The following CCDC90B variants were observed in gnomAD, a reference collection of about 807,000 sequenced individuals.
The protein encoded by CCDC90B is coiled-coil domain containing 90B, also known as coiled-coil domain-containing protein 90B, mitochondrial.
Under a neutral mutation model 37.0 loss-of-function variants are expected in CCDC90B, and 24 were observed. The observed-to-expected ratio is 0.65, with a 90% CI of 0.47 to 0.91. The LOEUF is 0.91. CCDC90B is among the 40% of genes least tolerant of loss of function. The pLI is 0.00. For synonymous variants in CCDC90B, 113 were observed against 101.1 expected (o/e 1.12, Z -0.71); for missense variants, 319 against 299.0 (o/e 1.07, Z -0.49).
intron 7 of CCDC90B, among the ~76,000 whole-genome samples, chr11:83,270,658 C>T (rs150802561): frequency 0.01 from 1,535 of 152,256 alleles, 37 homozygotes; most frequent in African/African-American, 0.035. Flanking sequence ...AGGACACAAA[C>T]AAATGGAAGA....
intron 3 of CCDC90B, 26 bp from the exon 4 acceptor site, chr11:83,274,766 A>C: frequency 7.3e-7 from 1 of 1,373,696 alleles, no homozygotes; most frequent in Non-Finnish European, 1.0e-6. Context: ...AAAATAACCT[A>C]GTGATCTATA....
chr11:83,285,253 G>A lies in CCDC90B; in HGVS notation c.100+620C>T, dbSNP rs1010067521. Reference sequence around the variant, plus strand: ...AAAACTGGGGGTGAAAAACAACGACGACAACAAAAACCTAGCCCTAGAAAC... The same window carrying A: ...AAAACTGGGGGTGAAAAACAACGACAACAACAAAAACCTAGCCCTAGAAAC... On this transcript the variant is annotated intron_variant, in intron 1 of 8. Transcript: ENST00000529689. 12 of 1,281,840 alleles carry A rather than the reference G, an allele frequency of 9.4e-6. No individual in the cohort carries two copies. The African/African-American group carries it at 1.7e-4, about 18-fold the overall frequency. 79.4% of individuals were successfully genotyped at this position (1,281,840 alleles called of 1,614,324 possible).
At chr11:83,262,242 T>C (rs545831036) in intron 8 of CCDC90B, among the ~76,000 whole-genome samples, 41 of 152,224 alleles carry the variant, frequency 2.7e-4, no homozygotes, top group African/African-American at 9.4e-4. Flanking sequence ...GCTAGCATTA[T>C]TGACTACTTT....
chr11:83,276,408 C>T (rs914621480), intron 3 of CCDC90B, among the ~76,000 whole-genome samples: 4 of 152,142 alleles, frequency 2.6e-5, no homozygotes, highest in Non-Finnish European at 5.9e-5. Context: ...AATGCAGTGG[C>T]GCAATCTTGT....
At position 83,274,231 on chromosome 11, in the gene CCDC90B, A is replaced by G. The variant is rs141019873; in HGVS notation, c.427-239T>C. On this transcript the variant is annotated intron_variant, in intron 4 of 8. Coordinates refer to ENST00000529689, the MANE Select transcript of CCDC90B (RefSeq NM_021825.5). ...TTAAAAACTGATTTTCTAAATTTAAAAATAAGCTATAGTGGATAACATAAC... is the reference window on the plus strand; with the variant it reads ...TTAAAAACTGATTTTCTAAATTTAAGAATAAGCTATAGTGGATAACATAAC... 6.1e-3 allele frequency: 2,221 copies of G among 366,932 alleles called. 47 individuals carry two copies. Among genetic ancestry groups the G allele is most frequent in the African/African-American group, 0.042 (2,018 of 48,062 alleles). 22.7% of individuals were successfully genotyped at this position (366,932 alleles called of 1,614,324 possible).
chr11:83,274,598 G>A (rs1268641295), intron 4 of CCDC90B, 41 bp downstream of exon 4: 1 of 1,182,486 alleles, frequency 8.5e-7, no homozygotes, highest in African/African-American at 1.5e-5. Flanking sequence ...CTTATTATGA[G>A]ATCAGTTATT....
chr11:83,274,909 A>G (rs899185339), intron 3 of CCDC90B, 169 bp from the exon 4 acceptor site: 10 of 432,802 alleles, frequency 2.3e-5, no homozygotes, highest in Non-Finnish European at 3.7e-5. Flanking sequence ...ATGAAAAGAA[A>G]GAGATTCAAG....
intron 1 of CCDC90B, among the ~76,000 whole-genome samples, chr11:83,283,196 A>G (rs1433843365): frequency 6.6e-6 from 1 of 152,208 alleles, no homozygotes; most frequent in African/African-American, 2.4e-5. Flanking sequence ...TGCTGAATGA[A>G]AGGCACTGTG....
chr11:83,274,055 A>G, intron 4 of CCDC90B, 63 bp from the exon 5 acceptor site: 2 of 1,324,076 alleles, frequency 1.5e-6, no homozygotes, highest in East Asian at 2.5e-5. Flanking sequence ...GATTAAAAAA[A>G]TCTGAAACCC....
chr11:83,267,789 C>A (rs2135599143), intron 7 of CCDC90B, among the ~76,000 whole-genome samples: 1 of 152,210 alleles, frequency 6.6e-6, no homozygotes, highest in South Asian at 2.1e-4. Context: ...AGAAGAGCAA[C>A]CCCAAGACAC....
At chr11:83,271,031 C>G (rs919948414) in intron 7 of CCDC90B, among the ~76,000 whole-genome samples, 1 of 152,166 alleles carries the variant, frequency 6.6e-6, no homozygotes, top group Admixed American at 6.5e-5. Context: ...GGAAAGGAGT[C>G]CCTATTTAAT....
At position 83,285,941 on chromosome 11, in the gene CCDC90B, A is replaced by G. The variant is rs1865662818; in HGVS notation, c.32T>C (p.Leu11Pro). ...CCAACGATCTCCTCTGCCTTGGGAGAGAAAGAGCCGCCAAGCCTGGCGACT... is the reference window on the plus strand; with the variant it reads ...CCAACGATCTCCTCTGCCTTGGGAGGGAAAGAGCCGCCAAGCCTGGCGACT... MNSRQAWRLFLSQGRGDRWVS... is the reference protein window; with the variant it reads MNSRQAWRLFPSQGRGDRWVS... The change falls in exon 1 of 9, where the codon CTC becomes CCC. Residue 11 changes from leucine (L) to proline (P), a missense_variant. Physicochemically the swap from Leu to Pro is moderately conservative, Grantham distance 98. Transcript: ENST00000529689. The G allele has an allele frequency of 4.3e-6, 7 of 1,613,048 alleles. No individual in the cohort carries two copies. The highest frequency in any genetic ancestry group is 1.1e-5 in the South Asian group (1 of 90,948).
rs376633643 is a variant in CCDC90B, at chr11:83,265,990, C to T, written c.595-11G>A. ...TTTGGTTTGAGTATCCTGTGGTAAA[C>T]CAGAATAAGAGAACTTAATTTTGTC... On this transcript the variant is annotated splice_polypyrimidine_tract_variant and intron_variant, in intron 7 of 8. Coordinates refer to ENST00000529689, the MANE Select transcript of CCDC90B (RefSeq NM_021825.5). 141 of 1,429,848 alleles carry T rather than the reference C, an allele frequency of 9.9e-5. No individual in the cohort carries two copies. Among genetic ancestry groups the T allele is most frequent in the East Asian group, 2.3e-4 (10 of 43,894 alleles). The allele number at this position is 1,429,848 out of a possible 1,614,324, so 88.6% of individuals were successfully genotyped here.
rs545366992 is a variant in CCDC90B at position 83,263,718 on chromosome 11, T to A, written c.710-1752A>T. 2.0e-5 allele frequency among the ~76,000 whole-genome samples: 3 copies of A among 152,284 alleles called. No homozygotes were observed. In the South Asian group the frequency reaches 6.2e-4, roughly 32 times the overall value. On this transcript the variant is annotated intron_variant, in intron 8 of 8. Transcript: ENST00000529689. ...AGGAAAGAGGGCAATCTCTCCTGAT[T>A]AGTGAAAGTGGAATGATAAGAGTCT...
chr11:83,276,827 A>G (rs539267419), intron 3 of CCDC90B, among the ~76,000 whole-genome samples: 7 of 152,358 alleles, frequency 4.6e-5, no homozygotes, highest in African/African-American at 1.7e-4. Context: ...GAGCCATCAG[A>G]GAATATTCAG....
At chr11:83,273,623 A>G (rs1864826579) in intron 7 of CCDC90B, 24 bp downstream of exon 7, 3 of 1,538,422 alleles carry the variant, frequency 2.0e-6, no homozygotes, top group East Asian at 4.5e-5. Context: ...TGTACAAAAG[A>G]GACATTTTTA....
intron 3 of CCDC90B, among the ~76,000 whole-genome samples, chr11:83,277,958 T>C (rs759706008): frequency 1.3e-5 from 2 of 152,192 alleles, no homozygotes; most frequent in African/African-American, 2.4e-5. Flanking sequence ...GAAAAAAATA[T>C]AACCATAGGA....
intron 1 of CCDC90B, among the ~76,000 whole-genome samples, chr11:83,281,578 A>G (rs1865385840): frequency 6.6e-6 from 1 of 152,240 alleles, no homozygotes; most frequent in Admixed American, 6.5e-5. Flanking sequence ...TACACTGGTC[A>G]GTAATCTTTT....
At position 83,286,313 on chromosome 11, in the gene CCDC90B, C is replaced by T. The variant is rs552915332; in HGVS notation, c.-341G>A. The T allele has an allele frequency of 8.9e-6, 8 of 903,948 alleles. No individual in the cohort carries two copies. The South Asian group carries it at 1.2e-4, about 14-fold the overall frequency. The allele number at this position is 903,948 out of a possible 1,614,324, so 56.0% of individuals were successfully genotyped here. A position where few individuals can be genotyped will look rare whatever the true frequency, so the allele number is the denominator to read the frequency against. ...GGGCATAGTCCAACAGCTGGCTCCC[C>T]CAAGATAGCCAGCGGCCATTACGCG... is the stretch of plus-strand genomic sequence containing the variant. On this transcript the variant is annotated 5_prime_UTR_variant, in exon 1 of 9. Transcript: ENST00000529689.
Sources: gnomAD v4.1 joint callset for allele counts (sites outside exome capture counted in the v4.1 genomes callset) on GRCh38, gnomAD v4.1.1 for gene constraint, MANE v1.5 for transcripts, NCBI Gene and HGNC (gene_info 2026-07-23, HGNC 2026-07-21) for gene names.